CHCHD6: variants seen among roughly 807,000 people sequenced by gnomAD.
CHCHD6 encodes the protein coiled-coil-helix-coiled-coil-helix domain containing 6, also known as MICOS complex subunit MIC25.
Under a neutral mutation model 32.3 loss-of-function variants are expected in CHCHD6, and 28 were observed. That is an observed-to-expected ratio of 0.87 (90% CI 0.64 to 1.19). The LOEUF (loss-of-function observed/expected upper bound fraction) is 1.19, where lower values mean the gene tolerates loss of function less well. Ranked by LOEUF, CHCHD6 falls within the 50% of genes most tolerant of loss-of-function variation. The probability of loss-of-function intolerance (pLI) is 0.00; values close to 1 mark genes in which losing one functional copy is unlikely to be tolerated. For synonymous variants in CHCHD6, 122 were observed against 117.5 expected (o/e 1.04, Z -0.25); for missense variants, 333 against 307.0 (o/e 1.08, Z -0.63).
chr3:126,870,829 G>T (rs1450601872), intron 5 of CHCHD6, among the ~76,000 whole-genome samples: 1 of 152,216 alleles, frequency 6.6e-6, no homozygotes, highest in Non-Finnish European at 1.5e-5. Context: ...TGCATTTCTG[G>T]ACCATAAAGT....
At chr3:126,923,438 G>A (rs893362212) in intron 6 of CHCHD6, among the ~76,000 whole-genome samples, 2 of 152,228 alleles carry the variant, frequency 1.3e-5, no homozygotes, top group Non-Finnish European at 2.9e-5. Flanking sequence ...CTTGAGAGAT[G>A]CTCACCAAGT....
intron 5 of CHCHD6, among the ~76,000 whole-genome samples, chr3:126,911,844 G>A (rs2078095449): frequency 6.6e-6 from 1 of 152,240 alleles, no homozygotes; most frequent in Non-Finnish European, 1.5e-5. Context: ...CTCTGAGAAG[G>A]TTGGCAACAG....
intron 5 of CHCHD6, among the ~76,000 whole-genome samples, chr3:126,906,560 T>G (rs2078009698): frequency 6.6e-6 from 1 of 152,188 alleles, no homozygotes; most frequent in Non-Finnish European, 1.5e-5. Flanking sequence ...CCTCTCCCAG[T>G]CTTGACTTAC....
At chr3:126,731,978 C>T (rs984233813) in intron 3 of CHCHD6, among the ~76,000 whole-genome samples, 1 of 149,854 alleles carries the variant, frequency 6.7e-6, no homozygotes, top group African/African-American at 2.5e-5. Flanking sequence ...GCTCAAGAGG[C>T]TGAGGTGGGA....
At chr3:126,742,042 A>T (rs576450863) in intron 4 of CHCHD6, among the ~76,000 whole-genome samples, 1 of 152,294 alleles carries the variant, frequency 6.6e-6, no homozygotes, top group South Asian at 2.1e-4. Flanking sequence ...TAGAGAAGAG[A>T]ATCTGCTGTC....
intron 4 of CHCHD6, among the ~76,000 whole-genome samples, chr3:126,850,449 TA>T (rs1941433015): frequency 6.6e-6 from 1 of 152,220 alleles, no homozygotes; most frequent in South Asian, 2.1e-4. Context: ...CCCAACACTT[TA>T]GTCCTGCGTC....
chr3:126,956,600 C>T (rs1402174265), intron 6 of CHCHD6, among the ~76,000 whole-genome samples: 1 of 149,660 alleles, frequency 6.7e-6, no homozygotes, highest in Non-Finnish European at 1.5e-5. Context: ...AGTGTGCGCA[C>T]GAGAGAGAGA....
intron 6 of CHCHD6, among the ~76,000 whole-genome samples, chr3:126,919,104 T>G (rs1433992258): frequency 2.0e-5 from 3 of 152,166 alleles, no homozygotes; most frequent in African/African-American, 7.2e-5. Flanking sequence ...AAACTTGATT[T>G]ATGGTCCAGT....
chr3:126,913,207 C>CTTTTTTTTTTTTTT lies in CHCHD6; in HGVS notation c.496-1449_496-1436dup, dbSNP rs546179022. On this transcript the variant is annotated intron_variant, in intron 5 of 7. Transcript: ENST00000290913. ...GGATAATCATGCTGCCCGTATGAGC[C>CTTTTTTTTTTTTTT]TTTTTTTTTTTTTTTTTTTTTTTTT... is the stretch of plus-strand genomic sequence containing the variant. Among the ~76,000 whole-genome samples the CTTTTTTTTTTTTTT allele has an allele frequency of 3.3e-4, 11 of 33,786 alleles. 2 individuals are homozygous for CTTTTTTTTTTTTTT. Among genetic ancestry groups the CTTTTTTTTTTTTTT allele is most frequent in the African/African-American group, 1.4e-3 (11 of 7,642 alleles). The allele number at this position is 33,786 out of a possible 152,430, so 22.2% of individuals were successfully genotyped here.
chr3:126,809,647 T>C (rs941367683), intron 4 of CHCHD6, among the ~76,000 whole-genome samples: 11 of 152,220 alleles, frequency 7.2e-5, no homozygotes, highest in African/African-American at 2.7e-4. Context: ...AAGATAAATT[T>C]TTTTCCCTGC....
intron 4 of CHCHD6, among the ~76,000 whole-genome samples, chr3:126,800,943 A>G (rs2107690428): frequency 6.6e-6 from 1 of 152,354 alleles, no homozygotes; most frequent in South Asian, 2.1e-4. Context: ...AATCACTTCC[A>G]TAGAAACAGA....
In CHCHD6 at chr3:126,905,827, A is replaced by C. The variant is rs528855632; in HGVS notation, c.496-8853A>C. 6.6e-5 allele frequency among the ~76,000 whole-genome samples: 10 copies of C among 152,344 alleles called. No individual in the cohort carries two copies. In the South Asian group the frequency reaches 2.1e-3, roughly 32 times the overall value. ...GATAGGGACCCATGGGATAGGAAGC[A>C]GTGGTGAATGACAGGTAGCCCTCCA... On this transcript the variant is annotated intron_variant, in intron 5 of 7. Transcript: ENST00000290913.
chr3:126,751,619 G>A (rs748249599), intron 4 of CHCHD6, among the ~76,000 whole-genome samples: 4 of 152,012 alleles, frequency 2.6e-5, no homozygotes, highest in Non-Finnish European at 4.4e-5. Flanking sequence ...AGCAGACCTG[G>A]GTTTTTAGGG....
At chr3:126,765,011 G>A (rs1307438830) in intron 4 of CHCHD6, among the ~76,000 whole-genome samples, 1 of 152,140 alleles carries the variant, frequency 6.6e-6, no homozygotes, top group Non-Finnish European at 1.5e-5. Flanking sequence ...CCCTCCAAGG[G>A]CGGGAGTCAC....
intron 1 of CHCHD6, among the ~76,000 whole-genome samples, chr3:126,724,081 T>A (rs1935429811): frequency 6.6e-6 from 1 of 152,164 alleles, no homozygotes; most frequent in Non-Finnish European, 1.5e-5. Flanking sequence ...TGAGGTGAAA[T>A]TAGTCAAGCA....
chr3:126,796,494 G>A (rs1049250733), intron 4 of CHCHD6, among the ~76,000 whole-genome samples: 10 of 152,106 alleles, frequency 6.6e-5, no homozygotes, highest in African/African-American at 2.2e-4. Context: ...TCTTCTTGGG[G>A]AACATTTATT....
At chr3:126,716,883 C>T (rs1935044882) in intron 1 of CHCHD6, among the ~76,000 whole-genome samples, 1 of 152,120 alleles carries the variant, frequency 6.6e-6, no homozygotes, top group Admixed American at 6.5e-5. Context: ...TGAGGCTGAG[C>T]CTGCTGGGAG....
In CHCHD6 at chr3:126,805,022, A is replaced by C. The variant is rs1939293015; in HGVS notation, c.412-47625A>C. Among the ~76,000 whole-genome samples, 4 of 152,302 alleles carry C rather than the reference A, an allele frequency of 2.6e-5. No individual in the cohort carries two copies. The Middle Eastern group carries it at 0.01, about 389-fold the overall frequency. Reference sequence around the variant, plus strand: ...ACAACCCTTCATGCTAAAAACTCTCAATAAATTAGGTATTGATGGGACGTA... The same window carrying C: ...ACAACCCTTCATGCTAAAAACTCTCCATAAATTAGGTATTGATGGGACGTA... On this transcript the variant is annotated intron_variant, in intron 4 of 7. Coordinates refer to ENST00000290913, the MANE Select transcript of CHCHD6 (RefSeq NM_032343.3).
At chr3:126,759,156 G>A (rs997226894) in intron 4 of CHCHD6, among the ~76,000 whole-genome samples, 4 of 152,302 alleles carry the variant, frequency 2.6e-5, no homozygotes, top group Middle Eastern at 3.4e-3. Context: ...TAATCCAGTG[G>A]TTAGCCCTAC....
Sources: gnomAD v4.1 joint callset for allele counts (sites outside exome capture counted in the v4.1 genomes callset) on GRCh38, gnomAD v4.1.1 for gene constraint, MANE v1.5 for transcripts, NCBI Gene and HGNC (gene_info 2026-07-23, HGNC 2026-07-21) for gene names.